Variants in BCDIN3D observed in about 807,000 individuals in gnomAD.
BCDIN3D encodes BCDIN3 domain containing RNA methyltransferase, also known as RNA 5'-monophosphate methyltransferase.
BCDIN3D carries 15 observed loss-of-function variants against 21.2 expected under a neutral mutation model. The observed-to-expected ratio is 0.71, with a 90% confidence interval of 0.47 to 1.09. The LOEUF (loss-of-function observed/expected upper bound fraction) is 1.09, where lower values mean the gene tolerates loss of function less well. Among genes scored for constraint, BCDIN3D ranks in the 50% least tolerant of loss-of-function variants. The probability of loss-of-function intolerance (pLI) is 0.00; values close to 1 mark genes in which losing one functional copy is unlikely to be tolerated. For missense variants in BCDIN3D, 331 were observed against 366.2 expected (o/e 0.90, Z 0.79); for synonymous variants, 127 against 141.9 (o/e 0.90, Z 0.75).
At chr12:49,840,346 T>C (rs1396169116) in intron 1 of BCDIN3D, 1 of 151,812 alleles carries the variant, frequency 6.6e-6, no homozygotes, top group East Asian at 1.9e-4. Flanking sequence ...TACATGAAGC[T>C]CAAAAATGGG....
At chr12:49,840,833 TTTTA>T (rs1565604380) in intron 1 of BCDIN3D, 1 of 152,038 alleles carries the variant, frequency 6.6e-6, no homozygotes, top group Non-Finnish European at 1.5e-5. Flanking sequence ...TTTGTTGTTG[TTTTA>T]TTTGAGACAG....
rs1391395239 is a variant in BCDIN3D at position 49,838,797 on chromosome 12, G to A, written c.453C>T (p.Ser151=). 6.2e-7 allele frequency: 1 copy of A among 1,614,168 alleles called. No individual in the cohort carries two copies. The highest frequency in any genetic ancestry group is 2.2e-5 in the East Asian group (1 of 44,884). The change falls in exon 2 of 2, where the codon AGC becomes AGT. Residue 151 remains serine, a synonymous_variant. Coordinates refer to ENST00000333924, the MANE Select transcript of BCDIN3D (RefSeq NM_181708.3). ...TGTCAAAAACTGAACGTCCAAATTG[G>A]CTTAAGAAAGAGCTCAAGAGAACCT... ...TRKVLLSSFL[S]QFGRSVFDIG... is the part of the protein sequence containing the mutation.
At chr12:49,839,329 A>G (rs1424334738) in intron 1 of BCDIN3D, 2 of 310,040 alleles carry the variant, frequency 6.5e-6, no homozygotes, top group East Asian at 7.6e-5. Flanking sequence ...AGCTTAAGTA[A>G]TATGCTGATA....
In BCDIN3D at chr12:49,837,285, G is replaced by GTTTTTTTTTT. The variant is rs1185335433; in HGVS notation, c.*1076_*1085dup. The GTTTTTTTTTT allele has an allele frequency of 2.0e-4, 18 of 91,904 alleles. No homozygotes were observed. The highest frequency in any genetic ancestry group is 2.7e-4 in the Non-Finnish European group (13 of 47,686). The allele number at this position is 91,904 out of a possible 1,614,324, so 5.7% of individuals were successfully genotyped here. On this transcript the variant is annotated 3_prime_UTR_variant, in exon 2 of 2. Transcript: ENST00000333924. ...CATGTAGGTAGTTGTTTTTTTTTTTGTTTTTTTTTTTTTTTTTTTTGAGAC... is the reference window on the plus strand; with the variant it reads ...CATGTAGGTAGTTGTTTTTTTTTTTGTTTTTTTTTTTTTTTTTTTTTTTTTTTTTTGAGAC...
chr12:49,841,984 T>G (rs1946556096), intron 1 of BCDIN3D, among the ~76,000 whole-genome samples: 1 of 152,232 alleles, frequency 6.6e-6, no homozygotes, highest in Non-Finnish European at 1.5e-5. Context: ...TAAGAATAGT[T>G]TGCAGCAAGA....
chr12:49,838,600 T>C lies in BCDIN3D; in HGVS notation c.650A>G (p.Asp217Gly), dbSNP rs368269559. The C allele has an allele frequency of 1.2e-6, 2 of 1,613,756 alleles. No homozygotes were observed. The highest frequency in any genetic ancestry group is 1.7e-6 in the Non-Finnish European group (2 of 1,179,796). ...GGCAAGGGAGTGGAAGTGGTCAAAA[T>C]CATGGAGTCCCAGCTTTCGGAGACG... ...ARRLRKLGLH[D>G]FDHFHSLAIR... The change falls in exon 2 of 2, where the codon GAT becomes GGT. Residue 217 changes from aspartate (D) to glycine (G), a missense_variant. Asp to Gly is a moderately conservative substitution (Grantham distance 94, BLOSUM62 -1). Transcript: ENST00000333924.
At position 49,837,273 on chromosome 12, in the gene BCDIN3D, G is replaced by GTTTTTTTTGTTGTTTTT. The variant is rs1946512321; in HGVS notation, c.*1097_*1098insAAAAACAACAAAAAAAA. ...GGGGACCATAAGCATGTAGGTAGTT[G>GTTTTTTTTGTTGTTTTT]TTTTTTTTTTTGTTTTTTTTTTTTT... On this transcript the variant is annotated 3_prime_UTR_variant, in exon 2 of 2. Coordinates refer to ENST00000333924, the MANE Select transcript of BCDIN3D (RefSeq NM_181708.3). 8.1e-6 allele frequency: 1 copy of GTTTTTTTTGTTGTTTTT among 122,780 alleles called. No individual in the cohort carries two copies. The highest frequency in any genetic ancestry group is 3.0e-5 in the African/African-American group (1 of 32,894). 7.6% of individuals were successfully genotyped at this position (122,780 alleles called of 1,614,324 possible). A position where few individuals can be genotyped will look rare whatever the true frequency, so the allele number is the denominator to read the frequency against.
chr12:49,842,857 G>A lies in BCDIN3D; in HGVS notation c.231C>T (p.Ser77=), dbSNP rs1479322143. The A allele has an allele frequency of 3.8e-6, 6 of 1,595,040 alleles. No homozygotes were observed. The highest frequency in any genetic ancestry group is 3.4e-4 in the Middle Eastern group (2 of 5,964). Residue 77 remains serine, a synonymous_variant, in exon 1 of 2, where the codon TCC becomes TCT. Coordinates refer to ENST00000333924, the MANE Select transcript of BCDIN3D (RefSeq NM_181708.3). The part of the protein sequence containing the change: ...PILGLDVGCN[S]GDLSVALYKH... ...CAATCCCTCCCCTGTCACTCACCCCGGAGTTACACCCCACGTCGAGCCCCA... is the reference window on the plus strand; with the variant it reads ...CAATCCCTCCCCTGTCACTCACCCCAGAGTTACACCCCACGTCGAGCCCCA...
Position 49,836,625 on chromosome 12 carries a change from G to C in BCDIN3D, c.*1746C>G. ...CTCCCAACACTGCTTCCTTTAAAAT[G>C]CTCTGTAGCACTGAAGCTGGACTCC... On this transcript the variant is annotated 3_prime_UTR_variant, in exon 2 of 2. Transcript: ENST00000333924. 1 of 152,224 alleles carries C rather than the reference G, an allele frequency of 6.6e-6. No individual in the cohort carries two copies. The highest frequency in any genetic ancestry group is 2.4e-5 in the African/African-American group (1 of 41,512). 9.4% of individuals were successfully genotyped at this position (152,224 alleles called of 1,614,324 possible).
In BCDIN3D at chr12:49,836,494, A is replaced by G. The variant is rs1370920811; in HGVS notation, c.*1877T>C. ...CACCCAGCAGGGTTACAGGGTTTCAAAGTGTTCCTAAATTAAGATCTTGTG... is the reference window on the plus strand; with the variant it reads ...CACCCAGCAGGGTTACAGGGTTTCAGAGTGTTCCTAAATTAAGATCTTGTG... On this transcript the variant is annotated 3_prime_UTR_variant, in exon 2 of 2. Coordinates refer to ENST00000333924, the MANE Select transcript of BCDIN3D (RefSeq NM_181708.3). 1 of 152,164 alleles carries G rather than the reference A, an allele frequency of 6.6e-6. No individual in the cohort carries two copies. Among genetic ancestry groups the G allele is most frequent in the African/African-American group, 2.4e-5 (1 of 41,434 alleles). The allele number at this position is 152,164 out of a possible 1,614,324, so 9.4% of individuals were successfully genotyped here.
intron 1 of BCDIN3D, 24 bp from the exon 2 acceptor site, chr12:49,839,039 G>A (rs747539121): frequency 6.3e-6 from 10 of 1,597,332 alleles, no homozygotes; most frequent in Middle Eastern, 4.2e-4. Context: ...AAACAGCTTT[G>A]TCACTGCAGT....
Position 49,836,326 on chromosome 12 carries a change from A to T in BCDIN3D, c.*2045T>A, listed in dbSNP as rs550089899. 6.6e-6 allele frequency: 1 copy of T among 152,282 alleles called. No homozygotes were observed. Among genetic ancestry groups the T allele is most frequent in the East Asian group, 1.9e-4 (1 of 5,188 alleles). 9.4% of individuals were successfully genotyped at this position (152,282 alleles called of 1,614,324 possible). On this transcript the variant is annotated 3_prime_UTR_variant, in exon 2 of 2. Transcript: ENST00000333924. ...AGGGTATATTCTGATCATCCAGATT[A>T]ATCTCCCTATCTGAAGATCCTCAAT...
rs909149304 is a variant in BCDIN3D, at chr12:49,842,624, A to G, written c.234+230T>C. On this transcript the variant is annotated intron_variant, in intron 1 of 1. Transcript: ENST00000333924. ...CGTTCCCACCTGGGGTCTGGCCCTG[A>G]AAGAAAAGTGGGAACGTAGTCGACA... The G allele has an allele frequency of 1.6e-4, 81 of 511,822 alleles. 1 individual carries two copies. Among genetic ancestry groups the G allele is most frequent in the Middle Eastern group, 1.0e-3 (3 of 2,998 alleles). The allele number at this position is 511,822 out of a possible 1,614,324, so 31.7% of individuals were successfully genotyped here.
chr12:49,841,949 T>C (rs944572155), intron 1 of BCDIN3D, among the ~76,000 whole-genome samples: 1 of 152,270 alleles, frequency 6.6e-6, no homozygotes, highest in African/African-American at 2.4e-5. Flanking sequence ...TTATTTTGCA[T>C]GTGGTTTGAT....
In BCDIN3D at chr12:49,838,263, C is replaced by G; in HGVS notation, c.*108G>C. The G allele has an allele frequency of 1.7e-6, 2 of 1,162,594 alleles. No homozygotes were observed. The highest frequency in any genetic ancestry group is 2.4e-6 in the Non-Finnish European group (2 of 827,066). 72.0% of individuals were successfully genotyped at this position (1,162,594 alleles called of 1,614,324 possible). ...TGCCTTGGACATTTTACCAAAAGCT[C>G]CTGCCAGGTTTTGCGGCTGCCTGAT... On this transcript the variant is annotated 3_prime_UTR_variant, in exon 2 of 2. Coordinates refer to ENST00000333924, the MANE Select transcript of BCDIN3D (RefSeq NM_181708.3).
Position 49,838,851 on chromosome 12 carries a change from GGT to G in BCDIN3D, c.397_398del (p.Thr133ProfsTer26), listed in dbSNP as rs2137060728. 1 of 1,614,214 alleles carries G rather than the reference GGT, an allele frequency of 6.2e-7. No individual in the cohort carries two copies. Among genetic ancestry groups the G allele is most frequent in the East Asian group, 2.2e-5 (1 of 44,896 alleles). ...CPFPDALTFI[T>X]LDFMNQRTRK... ...GGGTCCTTTGATTCATGAAGTCCAG[GGT>G]GATAAAAGTCAAGGCATCAGGAAAA... On this transcript the variant is annotated frameshift_variant, in exon 2 of 2. Transcript: ENST00000333924. LOFTEE classifies it high-confidence loss of function.
In BCDIN3D at chr12:49,838,935, A is replaced by T. The variant is rs779929929; in HGVS notation, c.315T>A (p.Arg105=). The stretch of plus-strand genomic sequence containing the variant: ...CTGGATCTATGTCGCAGCAGAGGAG[A>T]CGGAATTCTCTTGAGGCATCTGAGC... ...ETCSDASREF[R]LLCCDIDPVL... is the part of the protein sequence containing the mutation. The change falls in exon 2 of 2, where the codon CGT becomes CGA. Residue 105 remains arginine (R), a synonymous_variant. Transcript: ENST00000333924. 17 of 1,614,118 alleles carry T rather than the reference A, an allele frequency of 1.1e-5. No homozygotes were observed. The Admixed American group carries it at 2.8e-4, about 27-fold the overall frequency.
Position 49,837,591 on chromosome 12 carries a change from G to A in BCDIN3D, c.*780C>T, listed in dbSNP as rs999913840. The A allele has an allele frequency of 6.6e-6, 1 of 152,046 alleles. No homozygotes were observed. Among genetic ancestry groups the A allele is most frequent in the Non-Finnish European group, 1.5e-5 (1 of 68,074 alleles). The allele number at this position is 152,046 out of a possible 1,614,324, so 9.4% of individuals were successfully genotyped here. On this transcript the variant is annotated 3_prime_UTR_variant, in exon 2 of 2. Coordinates refer to ENST00000333924, the MANE Select transcript of BCDIN3D (RefSeq NM_181708.3). The stretch of plus-strand genomic sequence containing the variant: ...CGTGAGCCACCGCGCCCGGCCGCAT[G>A]TAGGTAGTTGTTAAAACCATAGGGA...
intron 1 of BCDIN3D, among the ~76,000 whole-genome samples, chr12:49,841,425 A>G (rs567315931): frequency 2.0e-5 from 3 of 152,352 alleles, no homozygotes; most frequent in Admixed American, 2.0e-4. Context: ...AAAAACTGCA[A>G]AACAGAAAGC....
Sources: gnomAD v4.1 joint callset for allele counts (sites outside exome capture counted in the v4.1 genomes callset) on GRCh38, gnomAD v4.1.1 for gene constraint, MANE v1.5 for transcripts, NCBI Gene and HGNC (gene_info 2026-07-23, HGNC 2026-07-21) for gene names.